The following THSD7A variants were observed in gnomAD, a reference collection of about 807,000 sequenced individuals.
The protein encoded by THSD7A is thrombospondin type 1 domain containing 7A.
A neutral mutation model predicts 231.3 loss-of-function variants in THSD7A; 96 were observed. That is an observed-to-expected ratio of 0.41 (90% CI 0.35 to 0.49). The LOEUF (loss-of-function observed/expected upper bound fraction) is 0.49. THSD7A is among the 20% of genes least tolerant of loss of function. THSD7A has a pLI of 0.05. For synonymous variants in THSD7A, 940 were observed against 743.3 expected (o/e 1.26, Z -4.30); for missense variants, 2,290 against 2,070.2 (o/e 1.11, Z -2.06).
rs577942592 is a variant in THSD7A at position 11,636,301 on chromosome 7, T to C, written c.851A>G (p.Glu284Gly). 3 of 1,613,988 alleles carry C rather than the reference T, an allele frequency of 1.9e-6. No homozygotes were observed. Among genetic ancestry groups the C allele is most frequent in the Admixed American group, 3.3e-5 (2 of 60,018 alleles). Residue 284 changes from glutamate to glycine, a missense_variant, in exon 2 of 28, where the codon GAA becomes GGA. By Grantham distance (98) the Glu-to-Gly change is moderately conservative (BLOSUM62 -2). Transcript: ENST00000423059. The surrounding 1 kb of genome is among the most constrained non-coding windows in gnomAD (Gnocchi z 10.0). The stretch of plus-strand genomic sequence containing the variant: ...CTTTACTCCTTTGCTGCGGTCCTTT[T>C]CCCGTTCTTTATTCTTCCCGCGTCT... ...ARRRGKNKER[E>G]KDRSKGVKDP...
chr7:11,593,614 G>T, intron 2 of THSD7A, 112 bp from the exon 3 acceptor site: 1 of 1,344,602 alleles, frequency 7.4e-7, no homozygotes, highest in Non-Finnish European at 1.0e-6. Flanking sequence ...TTGGAGGTGT[G>T]ATTCCAGTTT....
At chr7:11,697,096 G>A (rs1396651265) in intron 1 of THSD7A, among the ~76,000 whole-genome samples, 2 of 151,346 alleles carry the variant, frequency 1.3e-5, no homozygotes, top group Admixed American at 1.3e-4. Flanking sequence ...CCTAATGTAA[G>A]ATTTATGGTT....
Position 11,588,372 on chromosome 7 carries a change from C to G in THSD7A, c.1453+2088G>C, listed in dbSNP as rs371349687. ...GGAGAATTAACTGTTTTTGCAAAGA[C>G]TTTAAGAAGTTCGTTAGTATTCTTG... On this transcript the variant is annotated intron_variant, in intron 4 of 27. Transcript: ENST00000423059. 1.4e-3 allele frequency among the ~76,000 whole-genome samples: 213 copies of G among 152,210 alleles called. 1 individual carries two copies. The highest frequency in any genetic ancestry group is 2.0e-3 in the Non-Finnish European group (138 of 67,990).
chr7:11,820,395 C>G, intron 1 of THSD7A: 2 of 1,312,750 alleles, frequency 1.5e-6, no homozygotes, highest in Non-Finnish European at 1.0e-6. Flanking sequence ...TCTCCCATTC[C>G]TCCCCACTGA....
At chr7:11,556,605 C>T (rs1315999566) in intron 4 of THSD7A, among the ~76,000 whole-genome samples, 1 of 151,788 alleles carries the variant, frequency 6.6e-6, no homozygotes, top group Non-Finnish European at 1.5e-5. Context: ...TTCCTTTAAT[C>T]TTTCGTTTTT....
chr7:11,688,494 C>T (rs1780132582), intron 1 of THSD7A, among the ~76,000 whole-genome samples: 1 of 151,708 alleles, frequency 6.6e-6, no homozygotes. Flanking sequence ...GAGATGATGC[C>T]ATGGGGGAAC....
At chr7:11,722,634 A>G (rs969541621) in intron 1 of THSD7A, among the ~76,000 whole-genome samples, 4 of 151,736 alleles carry the variant, frequency 2.6e-5, no homozygotes, top group Non-Finnish European at 1.5e-5. Flanking sequence ...ATTTGTAAAA[A>G]CCCTAGCCTC....
intron 2 of THSD7A, among the ~76,000 whole-genome samples, chr7:11,624,506 T>G (rs903780424): frequency 1.9e-4 from 29 of 152,142 alleles, no homozygotes; most frequent in African/African-American, 6.8e-4. Flanking sequence ...AAAATGAGGT[T>G]TGACTTGGAA....
chr7:11,604,904 A>C (rs1009285040), intron 2 of THSD7A, among the ~76,000 whole-genome samples: 4 of 152,138 alleles, frequency 2.6e-5, no homozygotes, highest in Non-Finnish European at 5.9e-5. Flanking sequence ...AATCACAAGC[A>C]TATCAGAGTT....
chr7:11,768,070 T>A (rs1783088195), intron 1 of THSD7A, among the ~76,000 whole-genome samples: 1 of 152,138 alleles, frequency 6.6e-6, no homozygotes, highest in South Asian at 2.1e-4. Flanking sequence ...ACCAGTGAGA[T>A]GTGTGTGAAA....
At chr7:11,398,956 C>A (rs1783296371) in intron 23 of THSD7A, among the ~76,000 whole-genome samples, 1 of 152,160 alleles carries the variant, frequency 6.6e-6, no homozygotes, top group Non-Finnish European at 1.5e-5. Flanking sequence ...TCCTCACATC[C>A]CGTTGTTTAC....
intron 23 of THSD7A, chr7:11,384,788 A>C (rs1229364818): frequency 6.6e-6 from 1 of 151,904 alleles, no homozygotes. Context: ...TTAGTCTCCC[A>C]CTTTTCCTTC....
intron 6 of THSD7A, among the ~76,000 whole-genome samples, chr7:11,519,327 C>T (rs985794371): frequency 6.6e-6 from 1 of 152,148 alleles, no homozygotes; most frequent in African/African-American, 2.4e-5. Context: ...TGACTTTTAA[C>T]TCAGTTGTTT....
chr7:11,798,391 A>G (rs1298465378), intron 1 of THSD7A, among the ~76,000 whole-genome samples: 1 of 151,996 alleles, frequency 6.6e-6, no homozygotes, highest in African/African-American at 2.4e-5. Flanking sequence ...GAATTGCTTG[A>G]ACATGGGGAG....
In THSD7A at chr7:11,609,443, C is replaced by G. The variant is rs76982154; in HGVS notation, c.1023-15941G>C. On this transcript the variant is annotated intron_variant, in intron 2 of 27. Transcript: ENST00000423059. ...TGGGAGGACCCACTTTAACAGTAAT[C>G]TGTTTGACAAGAGGCAGAGCTGTTC... 5.9e-5 allele frequency among the ~76,000 whole-genome samples: 9 copies of G among 152,234 alleles called. No homozygotes were observed. The East Asian group carries it at 1.7e-3, about 29-fold the overall frequency.
chr7:11,587,514 A>T (rs6959084), intron 4 of THSD7A, among the ~76,000 whole-genome samples: 476 of 152,114 alleles, frequency 3.1e-3, no homozygotes, highest in Middle Eastern at 0.031. Context: ...ATTTCTTCCT[A>T]CTCTTTACAG....
chr7:11,710,967 T>C (rs1780939955), intron 1 of THSD7A, among the ~76,000 whole-genome samples: 1 of 150,824 alleles, frequency 6.6e-6, no homozygotes, highest in Non-Finnish European at 1.5e-5. Flanking sequence ...ATATATGCAT[T>C]AAATGATTTT....
intron 1 of THSD7A, among the ~76,000 whole-genome samples, chr7:11,647,761 G>A (rs943185017): frequency 3.3e-5 from 5 of 152,070 alleles, no homozygotes; most frequent in African/African-American, 1.2e-4. Context: ...TGTTCTATTT[G>A]TGTTAGGAAG....
intron 4 of THSD7A, among the ~76,000 whole-genome samples, chr7:11,576,892 T>C (rs770647312): frequency 2.0e-5 from 3 of 152,192 alleles, no homozygotes; most frequent in Non-Finnish European, 4.4e-5. Flanking sequence ...TCTGATGATT[T>C]TGATAAACTT....
Sources: gnomAD v4.1 joint callset for allele counts (sites outside exome capture counted in the v4.1 genomes callset) on GRCh38, gnomAD v4.1.1 for gene constraint, Gnocchi (gnomAD v3.1) non-coding constraint, MANE v1.5 for transcripts, NCBI Gene and HGNC (gene_info 2026-07-23, HGNC 2026-07-21) for gene names.